DNAJC4: variants seen among roughly 807,000 people sequenced by gnomAD.
DNAJC4 encodes the protein dnaJ homolog subfamily C member 4.
DNAJC4 carries 26 observed loss-of-function variants against 26.8 expected under a neutral mutation model. The observed-to-expected ratio is 0.97, with a 90% CI of 0.71 to 1.34. The LOEUF (loss-of-function observed/expected upper bound fraction) is 1.34, where lower values mean the gene tolerates loss of function less well. Ranked by LOEUF, DNAJC4 falls within the 40% of genes most tolerant of loss-of-function variation. DNAJC4 has a pLI of 0.00. For missense variants in DNAJC4, 342 were observed against 321.1 expected (o/e 1.07, Z -0.50); for synonymous variants, 134 against 127.8 (o/e 1.05, Z -0.33).
Position 64,230,607 on chromosome 11 carries a change from G to T in DNAJC4, c.-248G>T, listed in dbSNP as rs1391559983. 1 of 620,238 alleles carries T rather than the reference G, an allele frequency of 1.6e-6. No homozygotes were observed. The highest frequency in any genetic ancestry group is 2.8e-5 in the East Asian group (1 of 35,148). The allele number at this position is 620,238 out of a possible 1,614,324, so 38.4% of individuals were successfully genotyped here. ...GAACGGGGTCTTGGGGTCCCTGGCT[G>T]GGTGGCCAGACCCCGAAGCCAGCGC... On this transcript the variant is annotated 5_prime_UTR_variant, in exon 1 of 6. Coordinates refer to ENST00000628077, the MANE Select transcript of DNAJC4 (RefSeq NM_005528.4).
chr11:64,231,673 C>T, intron 1 of DNAJC4, 198 bp from the exon 2 acceptor site: 2 of 540,560 alleles, frequency 3.7e-6, no homozygotes, highest in Non-Finnish European at 6.6e-6. Flanking sequence ...TTTTTGGACT[C>T]CACTTTGAGA....
In DNAJC4 at chr11:64,231,869, A is replaced by T. The variant is rs754978766; in HGVS notation, c.87-2A>T. ...CTGCAAGGTTTGGGACTCTGTCCAC[A>T]GGTCCAGACCCAGTACTTATTATGA... is the stretch of plus-strand genomic sequence containing the variant. On this transcript the variant is annotated splice_acceptor_variant, in intron 1 of 5. Coordinates refer to ENST00000628077, the MANE Select transcript of DNAJC4 (RefSeq NM_005528.4). LOFTEE classifies it high-confidence loss of function. The T allele has an allele frequency of 6.2e-7, 1 of 1,614,024 alleles. No individual in the cohort carries two copies. The highest frequency in any genetic ancestry group is 8.5e-7 in the Non-Finnish European group (1 of 1,179,952).
rs938722153 is a variant in DNAJC4, at chr11:64,231,205, G to A, written c.86+265G>A. The A allele has an allele frequency of 1.0e-4, 64 of 626,472 alleles. No individual in the cohort carries two copies. The African/African-American group carries it at 1.1e-3, about 11-fold the overall frequency. The allele number at this position is 626,472 out of a possible 1,614,324, so 38.8% of individuals were successfully genotyped here. On this transcript the variant is annotated intron_variant, in intron 1 of 5. Coordinates refer to ENST00000628077, the MANE Select transcript of DNAJC4 (RefSeq NM_005528.4). ...GGTTTCCAAGCATCGCTGTATCACTGTGCATAACCCTCTGTGGGGGGTGGG... is the reference window on the plus strand; with the variant it reads ...GGTTTCCAAGCATCGCTGTATCACTATGCATAACCCTCTGTGGGGGGTGGG...
upstream of DNAJC4, chr11:64,230,497 A>G (rs1022673490): frequency 1.9e-5 from 11 of 564,250 alleles, no homozygotes; most frequent in Admixed American, 1.8e-4. Context: ...GACGCAGGAA[A>G]TGGCGACGGC....
At position 64,233,836 on chromosome 11, in the gene DNAJC4, G is replaced by T. The variant is rs541509305; in HGVS notation, c.528-58G>T. 3 of 1,591,206 alleles carry T rather than the reference G, an allele frequency of 1.9e-6. No homozygotes were observed. In the African/African-American group the frequency reaches 4.0e-5, roughly 21 times the overall value. On this transcript the variant is annotated intron_variant, in intron 4 of 5. Transcript: ENST00000628077. ...GGCCCCTAGAGTGGGGTGGAAGGGGGCAGGACTTCAGGGACAGCAGGAATT... is the reference window on the plus strand; with the variant it reads ...GGCCCCTAGAGTGGGGTGGAAGGGGTCAGGACTTCAGGGACAGCAGGAATT...
chr11:64,232,425 C>A lies in DNAJC4; in HGVS notation c.181-5C>A. The A allele has an allele frequency of 6.4e-7, 1 of 1,572,302 alleles. No homozygotes were observed. The highest frequency in any genetic ancestry group is 8.6e-7 in the Non-Finnish European group (1 of 1,156,228). ...GGAGATAAGGGGAGTCCTGCCCCAC[C>A]CCAGCTGCACCCAGACCGGGACCCT... On this transcript the variant is annotated splice_region_variant and splice_polypyrimidine_tract_variant and intron_variant, in intron 2 of 5. Coordinates refer to ENST00000628077, the MANE Select transcript of DNAJC4 (RefSeq NM_005528.4).
At position 64,230,834 on chromosome 11, in the gene DNAJC4, C is replaced by T; in HGVS notation, c.-21C>T. On this transcript the variant is annotated 5_prime_UTR_variant, in exon 1 of 6. Coordinates refer to ENST00000628077, the MANE Select transcript of DNAJC4 (RefSeq NM_005528.4). ...CAATGCGCTCTTGGTAGCCTCCTTT[C>T]CCAGCTGCCCGCCCGCCGCCATGCC... 1 of 1,590,326 alleles carries T rather than the reference C, an allele frequency of 6.3e-7. No individual in the cohort carries two copies. Among genetic ancestry groups the T allele is most frequent in the Non-Finnish European group, 8.5e-7 (1 of 1,170,576 alleles).
intron 4 of DNAJC4, 67 bp downstream of exon 4, chr11:64,232,932 G>T: frequency 6.7e-7 from 1 of 1,489,076 alleles, no homozygotes; most frequent in Non-Finnish European, 9.0e-7. Flanking sequence ...AGTGTGGTCA[G>T]CCAGTCCTCC....
chr11:64,232,973 T>G (rs929713448), intron 4 of DNAJC4, 108 bp downstream of exon 4: 166 of 1,326,386 alleles, frequency 1.3e-4, no homozygotes, highest in Non-Finnish European at 1.5e-4. Context: ...CTCTTGTGTC[T>G]CTCAAGCTAA....
chr11:64,232,066 C>T, intron 2 of DNAJC4, 102 bp downstream of exon 2: 1 of 1,235,346 alleles, frequency 8.1e-7, no homozygotes. Flanking sequence ...GCGGGTGCCA[C>T]ATTTTTTCAG....
In DNAJC4 at chr11:64,232,803, A is replaced by G; in HGVS notation, c.465A>G (p.Gln155=). The change falls in exon 4 of 6, where the codon CAA becomes CAG. Residue 155 remains glutamine, a synonymous_variant. Coordinates refer to ENST00000628077, the MANE Select transcript of DNAJC4 (RefSeq NM_005528.4). ...LRQQQHKQNK[Q]VLGYCLLLML... is the part of the protein sequence containing the mutation. ...AGCAGCAACACAAACAAAACAAACAAGTGCTGGGGTACTGCCTCCTCCTCA... is the reference window on the plus strand; with the variant it reads ...AGCAGCAACACAAACAAAACAAACAGGTGCTGGGGTACTGCCTCCTCCTCA... The G allele has an allele frequency of 6.2e-7, 1 of 1,613,126 alleles. No individual in the cohort carries two copies. The highest frequency in any genetic ancestry group is 8.5e-7 in the Non-Finnish European group (1 of 1,179,614).
Position 64,230,647 on chromosome 11 carries a change from G to A in DNAJC4, c.-208G>A. The A allele has an allele frequency of 1.4e-6, 1 of 692,662 alleles. No individual in the cohort carries two copies. Among genetic ancestry groups the A allele is most frequent in the Non-Finnish European group, 2.4e-6 (1 of 409,656 alleles). The allele number at this position is 692,662 out of a possible 1,614,324, so 42.9% of individuals were successfully genotyped here. A position where few individuals can be genotyped will look rare whatever the true frequency, so the allele number is the denominator to read the frequency against. ...GAAGCCAGCGCTGGGAAGGGCTGCG[G>A]ATGCCCGGGTCAGAGGAAGGGGCAG... On this transcript the variant is annotated 5_prime_UTR_variant, in exon 1 of 6. Transcript: ENST00000628077.
At position 64,232,444 on chromosome 11, in the gene DNAJC4, G is replaced by T; in HGVS notation, c.195G>T (p.Arg65=). 6.3e-7 allele frequency: 1 copy of T among 1,592,220 alleles called. No individual in the cohort carries two copies. The highest frequency in any genetic ancestry group is 8.6e-7 in the Non-Finnish European group (1 of 1,165,748). ...FSKSKELHPD[R]DPGNPSLHSR... ...CCCCACCCCAGCTGCACCCAGACCG[G>T]GACCCTGGGAACCCAAGCCTGCACA... Residue 65 remains arginine (R), a synonymous_variant, in exon 3 of 6, where the codon CGG becomes CGT. Coordinates refer to ENST00000628077, the MANE Select transcript of DNAJC4 (RefSeq NM_005528.4).
chr11:64,232,948 A>C, intron 4 of DNAJC4, 83 bp downstream of exon 4: 1 of 1,435,628 alleles, frequency 7.0e-7, no homozygotes, highest in Non-Finnish European at 9.2e-7. Context: ...CCTCCACAGC[A>C]CCTCGTGGCC....
At chr11:64,233,860 T>G (rs745827534) in intron 4 of DNAJC4, 34 bp from the exon 5 acceptor site, 1 of 1,605,574 alleles carries the variant, frequency 6.2e-7, no homozygotes, top group Non-Finnish European at 8.5e-7. Context: ...ACAGCAGGAA[T>G]TGGATTCCCA....
intron 4 of DNAJC4, chr11:64,233,441 A>G (rs982524345): frequency 6.0e-6 from 1 of 167,518 alleles, no homozygotes; most frequent in Non-Finnish European, 1.3e-5. Flanking sequence ...GGGTTTCACC[A>G]TATTGGCCAG....
Position 64,232,851 on chromosome 11 carries a change from C to A in DNAJC4, c.513C>A (p.His171Gln), listed in dbSNP as rs1947194581. The part of the protein sequence containing the change: ...LLLMLAGMGL[H>Q]YIAFRKVKQM... The stretch of plus-strand genomic sequence containing the variant: ...TCATGCTGGCGGGCATGGGCCTGCA[C>A]TACATTGCCTTCAGGTGATGCCTGT... The change falls in exon 4 of 6, where the codon CAC becomes CAA. Residue 171 changes from histidine to glutamine, a missense_variant. By Grantham distance (24) the His-to-Gln change is conservative. Coordinates refer to ENST00000628077, the MANE Select transcript of DNAJC4 (RefSeq NM_005528.4). 1.9e-6 allele frequency: 3 copies of A among 1,597,022 alleles called. No individual in the cohort carries two copies. The highest frequency in any genetic ancestry group is 2.3e-5 in the South Asian group (2 of 88,584).
Position 64,233,917 on chromosome 11 carries a change from A to G in DNAJC4, c.551A>G (p.Asn184Ser). 6.2e-7 allele frequency: 1 copy of G among 1,614,012 alleles called. No homozygotes were observed. Among genetic ancestry groups the G allele is most frequent in the Non-Finnish European group, 8.5e-7 (1 of 1,179,962 alleles). The change falls in exon 5 of 6, where the codon AAC (asparagine) becomes AGC (serine). Residue 184 changes from asparagine to serine, a missense_variant. Coordinates refer to ENST00000628077, the MANE Select transcript of DNAJC4 (RefSeq NM_005528.4). ...AGGAAGGTGAAGCAGATGCACCTTAACTTCATGGATGAAAAGGATCGGATC... is the reference window on the plus strand; with the variant it reads ...AGGAAGGTGAAGCAGATGCACCTTAGCTTCATGGATGAAAAGGATCGGATC... The part of the protein sequence containing the change: ...AFRKVKQMHL[N>S]FMDEKDRIIT...
rs779317445 is a variant in DNAJC4 at position 64,234,216 on chromosome 11, T to G, written c.*32T>G. 2.2e-5 allele frequency: 34 copies of G among 1,534,132 alleles called. No individual in the cohort carries two copies. The highest frequency in any genetic ancestry group is 2.9e-5 in the Non-Finnish European group (33 of 1,144,894). On this transcript the variant is annotated 3_prime_UTR_variant, in exon 6 of 6. Transcript: ENST00000628077. The surrounding 1 kb of genome is among the most constrained non-coding windows in gnomAD (Gnocchi z 5.3). ...CACCTGGATGGGGCCTGCAGTGCGT[T>G]CCCGCTTTGCTTCCTTCCCTGGACG... is the stretch of plus-strand genomic sequence containing the variant.
Sources: gnomAD v4.1 joint callset for allele counts on GRCh38, gnomAD v4.1.1 for gene constraint, Gnocchi (gnomAD v3.1) non-coding constraint, MANE v1.5 for transcripts, NCBI Gene and HGNC (gene_info 2026-07-23, HGNC 2026-07-21) for gene names.